The following PRRG1 variants were observed in gnomAD, a reference collection of about 807,000 sequenced individuals.
PRRG1 encodes the protein proline rich and Gla domain 1.
In PRRG1, 5 loss-of-function variants were observed where a neutral mutation model predicts 11.8. The ratio of observed to expected loss-of-function variants is 0.42; its 90% CI spans 0.22 to 0.89. PRRG1 has a LOEUF of 0.89. Ranked by LOEUF, PRRG1 falls within the 40% of genes least tolerant of loss-of-function variation. The pLI, the probability that PRRG1 is intolerant of heterozygous loss-of-function variation, is 0.28. For synonymous variants in PRRG1, 66 were observed against 60.4 expected (o/e 1.09, Z -0.43); for missense variants, 155 against 166.1 (o/e 0.93, Z 0.37).
intron 1 of PRRG1, among the ~76,000 whole-genome samples, chrX:37,351,847 G>T (rs1930077711): frequency 8.9e-6 from 1 of 112,601 alleles, no homozygotes; most frequent in Non-Finnish European, 1.9e-5. Flanking sequence ...AATGAATCAG[G>T]TTGCCAGATG....
intron 1 of PRRG1, among the ~76,000 whole-genome samples, chrX:37,402,816 A>C (rs1420910666): frequency 9.0e-6 from 1 of 111,444 alleles, no homozygotes; most frequent in African/African-American, 3.3e-5. Flanking sequence ...AAAAGTGGGC[A>C]AAGGACATGA....
At chrX:37,441,649 G>A (rs781910486) in intron 3 of PRRG1, 885 of 799,604 alleles carry the variant, frequency 1.1e-3, no homozygotes, top group African/African-American at 2.8e-3. Flanking sequence ...CTTCTACTTC[G>A]ACCGGGACAA....
intron 1 of PRRG1, among the ~76,000 whole-genome samples, chrX:37,385,760 CTT>C (rs782500044): frequency 4.0e-5 from 4 of 100,119 alleles, no homozygotes; most frequent in Non-Finnish European, 2.0e-5. Flanking sequence ...AGATGGCTTC[CTT>C]TTTTTTTTTT....
At chrX:37,412,645 G>T (rs1341121424) in intron 2 of PRRG1, among the ~76,000 whole-genome samples, 1 of 108,963 alleles carries the variant, frequency 9.2e-6, no homozygotes. Context: ...ATACGAATTT[G>T]CTTGTAGCTG....
chrX:37,365,524 T>A (rs1349885015), intron 1 of PRRG1, among the ~76,000 whole-genome samples: 2 of 112,155 alleles, frequency 1.8e-5, no homozygotes, highest in African/African-American at 6.5e-5. Context: ...CTTTTTGGTA[T>A]AGGTAAATCT....
At chrX:37,422,539 T>C (rs1932691003) in intron 2 of PRRG1, among the ~76,000 whole-genome samples, 1 of 112,296 alleles carries the variant, frequency 8.9e-6, no homozygotes, top group South Asian at 3.7e-4. Context: ...TGGCCTGTTA[T>C]ATGGAGGAGA....
chrX:37,445,994 T>C lies in PRRG1; in HGVS notation c.172-7142T>C, dbSNP rs1390595492. Among the ~76,000 whole-genome samples, 10 of 112,631 alleles carry C rather than the reference T, an allele frequency of 8.9e-5. No individual in the cohort carries two copies. In the Admixed American group the frequency reaches 9.4e-4, roughly 11 times the overall value. On this transcript the variant is annotated intron_variant, in intron 3 of 3. Transcript: ENST00000378628. ...AAAAATGTTTACCAATCCCATTGTA[T>C]AGTAACTTATCACAGGCCCTGAATT...
chrX:37,405,549 T>C (rs73466260), intron 1 of PRRG1, among the ~76,000 whole-genome samples: 2,145 of 111,236 alleles, frequency 0.019, 47 homozygotes, highest in African/African-American at 0.06. Context: ...TATGAGTGTT[T>C]TTTTTTTTCA....
intron 2 of PRRG1, among the ~76,000 whole-genome samples, chrX:37,415,804 A>T (rs972697920): frequency 8.9e-6 from 1 of 111,821 alleles, no homozygotes; most frequent in African/African-American, 3.3e-5. Context: ...ATCTCCCACA[A>T]TATCTTAGAT....
At chrX:37,354,253 A>G (rs1930162441) in intron 1 of PRRG1, among the ~76,000 whole-genome samples, 1 of 111,718 alleles carries the variant, frequency 9.0e-6, no homozygotes, top group Non-Finnish European at 1.9e-5. Flanking sequence ...GAAAACATTG[A>G]GTGGCATTTA....
At chrX:37,421,677 T>C (rs1292544553) in intron 2 of PRRG1, among the ~76,000 whole-genome samples, 1 of 112,191 alleles carries the variant, frequency 8.9e-6, no homozygotes, top group Non-Finnish European at 1.9e-5. Flanking sequence ...TAAAAAATTC[T>C]AATTTTAGGG....
At chrX:37,408,207 A>G (rs782271711) in intron 2 of PRRG1, among the ~76,000 whole-genome samples, 1 of 111,700 alleles carries the variant, frequency 9.0e-6, no homozygotes, top group African/African-American at 3.3e-5. Context: ...CGAGTTAGAT[A>G]AAACGACACA....
chrX:37,396,006 A>C (rs782246886), intron 1 of PRRG1, among the ~76,000 whole-genome samples: 56 of 111,837 alleles, frequency 5.0e-4, no homozygotes, highest in African/African-American at 1.7e-3. Flanking sequence ...TCCATCTAAA[A>C]CATAGTGTCC....
At chrX:37,400,551 A>G (rs782818751) in intron 1 of PRRG1, among the ~76,000 whole-genome samples, 3 of 111,150 alleles carry the variant, frequency 2.7e-5, no homozygotes, top group African/African-American at 6.6e-5. Context: ...AAATTGACAC[A>G]CTAACATCAC....
At chrX:37,408,757 C>T (rs1220144045) in intron 2 of PRRG1, among the ~76,000 whole-genome samples, 1 of 111,920 alleles carries the variant, frequency 8.9e-6, no homozygotes, top group Non-Finnish European at 1.9e-5. Flanking sequence ...ATTAGAACAT[C>T]ATGTTTGATC....
intron 1 of PRRG1, among the ~76,000 whole-genome samples, chrX:37,378,229 A>G (rs1375457841): frequency 8.9e-6 from 1 of 112,029 alleles, no homozygotes; most frequent in Non-Finnish European, 1.9e-5. Context: ...GTAGCAGACT[A>G]CATTACTATC....
At chrX:37,372,855 C>A (rs1930809753) in intron 1 of PRRG1, among the ~76,000 whole-genome samples, 2 of 112,383 alleles carry the variant, frequency 1.8e-5, no homozygotes, top group South Asian at 7.3e-4. Context: ...GTATCATATT[C>A]AAAAAACTAT....
rs1931945993 is a variant in PRRG1, at chrX:37,400,832, A to G, written c.-41-5377A>G. On this transcript the variant is annotated intron_variant, in intron 1 of 3. Transcript: ENST00000378628. ...CACCAATCCCACAGAAATACAAACT[A>G]CCATCAGAGAATACTACAAACACCT... Among the ~76,000 whole-genome samples, 7 of 111,944 alleles carry G rather than the reference A, an allele frequency of 6.3e-5. No individual in the cohort carries two copies. The South Asian group carries it at 2.6e-3, about 42-fold the overall frequency.
chrX:37,434,662 A>C (rs2146619230), intron 3 of PRRG1, among the ~76,000 whole-genome samples: 1 of 111,935 alleles, frequency 8.9e-6, no homozygotes, highest in African/African-American at 3.2e-5. Flanking sequence ...TTATACCTAC[A>C]GTATGAGGTT....
Sources: allele counts gnomAD v4.1 joint callset (sites outside exome capture counted in the v4.1 genomes callset), GRCh38; gene constraint gnomAD v4.1.1; transcripts MANE v1.5; gene names NCBI Gene and HGNC (gene_info 2026-07-23, HGNC 2026-07-21).